The following JAK1 variants were observed in gnomAD, a reference collection of about 807,000 sequenced individuals.
JAK1 encodes Janus kinase 1.
In JAK1, 16 loss-of-function variants were observed where a neutral mutation model predicts 136.6. The ratio of observed to expected loss-of-function variants is 0.12; its 90% CI spans 0.08 to 0.18. The LOEUF (loss-of-function observed/expected upper bound fraction) is 0.18, where lower values mean the gene tolerates loss of function less well. JAK1 is among the 10% of genes least tolerant of loss of function. The pLI, the probability that JAK1 is intolerant of heterozygous loss-of-function variation, is 1.00. For synonymous variants in JAK1, 492 were observed against 519.5 expected (o/e 0.95, Z 0.72); for missense variants, 859 against 1,450.1 (o/e 0.59, Z 6.62).
At chr1:65,049,719 T>C (rs956389401) in intron 1 of JAK1, among the ~76,000 whole-genome samples, 16 of 152,120 alleles carry the variant, frequency 1.1e-4, no homozygotes, top group Non-Finnish European at 1.9e-4. Flanking sequence ...CACCCACATA[T>C]TCACTGGAGG....
At chr1:64,932,379 C>CTA (rs1645713069) in intron 1 of JAK1, among the ~76,000 whole-genome samples, 2 of 152,094 alleles carry the variant, frequency 1.3e-5, no homozygotes, top group Non-Finnish European at 1.5e-5. Flanking sequence ...CGCCACTGTA[C>CTA]TACAGCCTGG....
chr1:64,856,263 T>C (rs1655923197), intron 10 of JAK1, among the ~76,000 whole-genome samples: 1 of 152,314 alleles, frequency 6.6e-6, no homozygotes, highest in East Asian at 1.9e-4. Flanking sequence ...CAGTTTTCCC[T>C]CATGGGCTCT....
chr1:64,992,615 C>A (rs1168044606), intron 2 of JAK1: 1 of 151,674 alleles, frequency 6.6e-6, no homozygotes, highest in African/African-American at 2.4e-5. Flanking sequence ...TTAGGCCAGG[C>A]GCGGTGGCTC....
At chr1:64,921,831 C>T (rs1046325870) in intron 1 of JAK1, among the ~76,000 whole-genome samples, 2 of 152,040 alleles carry the variant, frequency 1.3e-5, no homozygotes, top group African/African-American at 4.8e-5. Context: ...CCCATTTGGA[C>T]TTGACTCCAG....
At chr1:64,929,769 T>A (rs1370004016) in intron 1 of JAK1, among the ~76,000 whole-genome samples, 4 of 152,192 alleles carry the variant, frequency 2.6e-5, no homozygotes, top group Admixed American at 2.0e-4. Context: ...TCACACTACC[T>A]GACTTCAAAC....
At chr1:64,983,744 T>A (rs898236163) in intron 2 of JAK1, among the ~76,000 whole-genome samples, 1 of 152,212 alleles carries the variant, frequency 6.6e-6, no homozygotes, top group South Asian at 2.1e-4. Context: ...ACCCATCAAC[T>A]GCCATTAACT....
chr1:65,005,571 T>TGATA (rs1189256991), intron 2 of JAK1, among the ~76,000 whole-genome samples: 1 of 152,176 alleles, frequency 6.6e-6, no homozygotes, highest in Non-Finnish European at 1.5e-5. Context: ...CACAAATAAA[T>TGATA]GATATACTTT....
At chr1:64,958,629 T>C (rs1646232365) in intron 1 of JAK1, among the ~76,000 whole-genome samples, 1 of 152,258 alleles carries the variant, frequency 6.6e-6, no homozygotes, top group South Asian at 2.1e-4. Context: ...AACAAAATTT[T>C]TATCTGGAAA....
intron 3 of JAK1, among the ~76,000 whole-genome samples, chr1:64,881,985 G>T (rs1418982896): frequency 6.6e-6 from 1 of 152,182 alleles, no homozygotes; most frequent in African/African-American, 2.4e-5. Flanking sequence ...TTACATCTAG[G>T]TGTTCTGATA....
intron 1 of JAK1, chr1:65,058,384 T>C (rs759842465): frequency 7.5e-6 from 4 of 533,876 alleles, no homozygotes; most frequent in Middle Eastern, 3.2e-4. Flanking sequence ...CTCTTTCACC[T>C]TCTTTCTTCC....
intron 1 of JAK1, among the ~76,000 whole-genome samples, chr1:64,909,440 A>G (rs924174399): frequency 6.6e-6 from 1 of 152,160 alleles, no homozygotes; most frequent in Non-Finnish European, 1.5e-5. Context: ...CAAGACAAGG[A>G]AAAAAGGATA....
intron 1 of JAK1, among the ~76,000 whole-genome samples, chr1:64,933,602 GA>G (rs1390393056): frequency 6.6e-6 from 1 of 152,190 alleles, no homozygotes; most frequent in Non-Finnish European, 1.5e-5. Flanking sequence ...CTCTTCAACA[GA>G]AGTTATTCAA....
chr1:64,910,960 CG>C (rs1645275135), intron 1 of JAK1, among the ~76,000 whole-genome samples: 1 of 151,902 alleles, frequency 6.6e-6, no homozygotes, highest in South Asian at 2.1e-4. Context: ...AGCCATTTCC[CG>C]CTGGGGTTCC....
In JAK1 at chr1:64,844,592, G is replaced by A. The variant is rs749369537; in HGVS notation, c.2251+162C>T. On this transcript the variant is annotated intron_variant, in intron 16 of 24. Coordinates refer to ENST00000342505, the MANE Select transcript of JAK1 (RefSeq NM_002227.4). The surrounding 1 kb of genome is among the most constrained non-coding windows in gnomAD (Gnocchi z 5.7). ...TCGTTCAAGGACTTAAGAGAAGGCA[G>A]GAGATCAAGACCATCCTGGCCAACA... Among the ~76,000 whole-genome samples, 3 of 111,886 alleles carry A rather than the reference G, an allele frequency of 2.7e-5. No homozygotes were observed. Among genetic ancestry groups the A allele is most frequent in the African/African-American group, 4.7e-5 (1 of 21,368 alleles). 73.4% of individuals were successfully genotyped at this position (111,886 alleles called of 152,430 possible).
intron 1 of JAK1, among the ~76,000 whole-genome samples, chr1:65,067,433 C>G (rs908823028): frequency 6.7e-6 from 1 of 148,226 alleles, no homozygotes; most frequent in African/African-American, 2.4e-5. Flanking sequence ...GAGACGGGGC[C>G]GGGAGCGCAG....
intron 2 of JAK1, chr1:64,993,476 C>T (rs1646676362): frequency 6.6e-6 from 1 of 152,204 alleles, no homozygotes; most frequent in South Asian, 2.1e-4. Context: ...AGTTACCTAA[C>T]TTATTATAGA....
chr1:64,967,710 C>G (rs912249967), upstream of JAK1, among the ~76,000 whole-genome samples: 2 of 152,162 alleles, frequency 1.3e-5, no homozygotes, highest in Non-Finnish European at 2.9e-5. Context: ...GTTTGGCCTC[C>G]ACCAGTAACC....
intron 2 of JAK1, among the ~76,000 whole-genome samples, chr1:64,980,762 C>T (rs1646537904): frequency 6.6e-6 from 1 of 151,888 alleles, no homozygotes. Flanking sequence ...TGTGATGTTC[C>T]CCTTCCTGTG....
At chr1:64,856,633 T>G (rs903901216) in intron 10 of JAK1, among the ~76,000 whole-genome samples, 1 of 152,194 alleles carries the variant, frequency 6.6e-6, no homozygotes, top group Non-Finnish European at 1.5e-5. Flanking sequence ...CACATTAAAC[T>G]TCCTCCAATG....
Sources: allele counts gnomAD v4.1 joint callset (sites outside exome capture counted in the v4.1 genomes callset), GRCh38; gene constraint gnomAD v4.1.1; non-coding constraint Gnocchi (gnomAD v3.1); transcripts MANE v1.5; gene names NCBI Gene and HGNC (gene_info 2026-07-23, HGNC 2026-07-21).